USP32: variants seen among roughly 807,000 people sequenced by gnomAD.
The protein encoded by USP32 is ubiquitin carboxyl-terminal hydrolase 32.
A neutral mutation model predicts 204.8 loss-of-function variants in USP32; 59 were observed. That is an observed-to-expected ratio of 0.29 (90% CI 0.23 to 0.36). The LOEUF (loss-of-function observed/expected upper bound fraction) is 0.36, where lower values mean the gene tolerates loss of function less well. Among genes scored for constraint, USP32 ranks in the 10% least tolerant of loss-of-function variants. The pLI is 1.00. For missense variants in USP32, 1,160 were observed against 1,946.4 expected, an observed-to-expected ratio of 0.60 and a Z score of 7.60; for synonymous variants, 517 against 678.4, an observed-to-expected ratio of 0.76 and a Z score of 3.70.
intron 1 of USP32, among the ~76,000 whole-genome samples, chr17:60,366,782 C>G (rs2089323738): frequency 6.6e-6 from 1 of 150,602 alleles, no homozygotes; most frequent in Non-Finnish European, 1.5e-5. Flanking sequence ...CTTGAAGAAA[C>G]AGAGACACGC....
intron 1 of USP32, among the ~76,000 whole-genome samples, chr17:60,358,538 C>T (rs2089138036): frequency 6.6e-6 from 1 of 152,060 alleles, no homozygotes; most frequent in Non-Finnish European, 1.5e-5. Flanking sequence ...CATGCCACTG[C>T]ACTACAGCCT....
In USP32 at chr17:60,362,665, T is replaced by C. The variant is rs146827049; in HGVS notation, c.59-17057A>G. On this transcript the variant is annotated intron_variant, in intron 1 of 33. Coordinates refer to ENST00000300896, the MANE Select transcript of USP32 (RefSeq NM_032582.4). ...AATATAACAAAATGACTATTTAACA[T>C]ATGTTGATGACAAATGTTCTAGTTT... 7.2e-3 allele frequency among the ~76,000 whole-genome samples: 1,093 copies of C among 152,324 alleles called. 9 individuals are homozygous for C. Among genetic ancestry groups the C allele is most frequent in the Non-Finnish European group, 0.012 (848 of 68,020 alleles).
intron 1 of USP32, among the ~76,000 whole-genome samples, chr17:60,387,971 T>C (rs751798546): frequency 6.6e-6 from 1 of 152,134 alleles, no homozygotes; most frequent in Non-Finnish European, 1.5e-5. Context: ...AAATTGTAAG[T>C]CGGGGATTGT....
At chr17:60,299,601 A>C (rs1253115347) in intron 3 of USP32, among the ~76,000 whole-genome samples, 1 of 152,176 alleles carries the variant, frequency 6.6e-6, no homozygotes, top group Non-Finnish European at 1.5e-5. Flanking sequence ...ACACTGTTGC[A>C]CTGGGGATTA....
At chr17:60,250,755 C>T (rs932132150) in intron 11 of USP32, among the ~76,000 whole-genome samples, 4 of 151,968 alleles carry the variant, frequency 2.6e-5, no homozygotes, top group Non-Finnish European at 5.9e-5. Flanking sequence ...AGTTCAAGAC[C>T]AGCCTGGGCA....
Position 60,294,759 on chromosome 17 carries a change from A to G in USP32, c.335T>C (p.Ile112Thr). The G allele has an allele frequency of 1.2e-6, 2 of 1,612,922 alleles. No individual in the cohort carries two copies. Among genetic ancestry groups the G allele is most frequent in the South Asian group, 2.2e-5 (2 of 90,922 alleles). ...GAGCATTCTTTCCATTTCTTCCCGTATAACATAGTTCCCAGATTCACTTGA... is the reference window on the plus strand; with the variant it reads ...GAGCATTCTTTCCATTTCTTCCCGTGTAACATAGTTCCCAGATTCACTTGA... ...LFSSESGNYV[I>T]REEMERMLHV... The change falls in exon 4 of 34, where the codon ATA becomes ACA. Residue 112 changes from isoleucine (I) to threonine (T), a missense_variant. Ile to Thr is a moderately conservative substitution (Grantham distance 89). Coordinates refer to ENST00000300896, the MANE Select transcript of USP32 (RefSeq NM_032582.4).
intron 1 of USP32, among the ~76,000 whole-genome samples, chr17:60,372,066 G>A (rs771991664): frequency 1.1e-4 from 16 of 152,180 alleles, no homozygotes; most frequent in Non-Finnish European, 2.4e-4. Context: ...GAGGGGAAGG[G>A]GAAGTGGCTA....
intron 11 of USP32, among the ~76,000 whole-genome samples, chr17:60,245,862 T>C (rs1165465187): frequency 3.3e-5 from 5 of 151,620 alleles, no homozygotes; most frequent in African/African-American, 9.7e-5. Flanking sequence ...TAATGTGTTT[T>C]TTTTTAAAAA....
At chr17:60,386,364 T>TAAAAAAAA (rs72099332) in intron 1 of USP32, among the ~76,000 whole-genome samples, 1 of 133,986 alleles carries the variant, frequency 7.5e-6, no homozygotes. Context: ...GTTCATAAAT[T>TAAAAAAAA]AAAAAAAAAA....
intron 5 of USP32, among the ~76,000 whole-genome samples, chr17:60,279,345 G>A (rs567662770): frequency 6.6e-6 from 1 of 151,612 alleles, no homozygotes; most frequent in African/African-American, 2.4e-5. Context: ...AATTAGCCGG[G>A]TGTGGTGAAT....
At chr17:60,232,168 C>CTTTTTTTTTTT (rs58707657) in intron 12 of USP32, among the ~76,000 whole-genome samples, 14 of 109,536 alleles carry the variant, frequency 1.3e-4, no homozygotes, top group Non-Finnish European at 2.2e-4. Context: ...TTTTCTTTTT[C>CTTTTTTTTTTT]TTTTTTTTTT....
At chr17:60,382,610 G>GA (rs369544599) in intron 1 of USP32, among the ~76,000 whole-genome samples, 16 of 152,164 alleles carry the variant, frequency 1.1e-4, no homozygotes, top group African/African-American at 3.6e-4. Context: ...AAATCACCTG[G>GA]ATTATTTAGA....
chr17:60,273,577 G>GCTCAGATA (rs1226577769), intron 5 of USP32, among the ~76,000 whole-genome samples: 4 of 152,132 alleles, frequency 2.6e-5, no homozygotes, highest in African/African-American at 9.7e-5. Context: ...CAATCCAGAT[G>GCTCAGATA]CTCAGATACG....
chr17:60,192,733 T>A lies in USP32; in HGVS notation c.3521+111A>T, dbSNP rs1246572388. On this transcript the variant is annotated intron_variant, in intron 28 of 33. Transcript: ENST00000300896. ...AGCCACCGTGCCCAGCCACAATTCT[T>A]AAGTTTCTCATTATTCACTATTTAC... The A allele has an allele frequency of 5.1e-6, 7 of 1,370,372 alleles. No individual in the cohort carries two copies. The East Asian group carries it at 1.7e-4, about 34-fold the overall frequency. The allele number at this position is 1,370,372 out of a possible 1,614,324, so 84.9% of individuals were successfully genotyped here. A position where few individuals can be genotyped will look rare whatever the true frequency, so the allele number is the denominator to read the frequency against.
intron 20 of USP32, 82 bp from the exon 21 acceptor site, chr17:60,211,200 C>T: frequency 2.6e-6 from 4 of 1,551,818 alleles, no homozygotes; most frequent in Non-Finnish European, 3.5e-6. Flanking sequence ...TAGCATCTCA[C>T]ATCAAAATAT....
chr17:60,403,845 G>T (rs2089954904), intron 1 of USP32, among the ~76,000 whole-genome samples: 1 of 152,126 alleles, frequency 6.6e-6, no homozygotes, highest in African/African-American at 2.4e-5. Context: ...TTCAAGACCA[G>T]TCTGGGTAAC....
In USP32 at chr17:60,234,264, C is replaced by A. The variant is rs139560058; in HGVS notation, c.1239+1874G>T. Among the ~76,000 whole-genome samples the A allele has an allele frequency of 3.0e-3, 452 of 151,640 alleles. 3 individuals are homozygous for A. The highest frequency in any genetic ancestry group is 0.011 in the African/African-American group (436 of 41,408). Reference sequence around the variant, plus strand: ...GAGTAGCTGGGACCATAGGCGCCTGCCACCATGCCCGGCTAATTTGTTGTA... The same window carrying A: ...GAGTAGCTGGGACCATAGGCGCCTGACACCATGCCCGGCTAATTTGTTGTA... On this transcript the variant is annotated intron_variant, in intron 12 of 33. Transcript: ENST00000300896.
intron 1 of USP32, among the ~76,000 whole-genome samples, chr17:60,419,280 G>A (rs531810669): frequency 6.6e-6 from 1 of 152,190 alleles, no homozygotes; most frequent in African/African-American, 2.4e-5. Context: ...ACCAAATACC[G>A]CATGTTCTCA....
intron 1 of USP32, among the ~76,000 whole-genome samples, chr17:60,354,623 T>C (rs2089025991): frequency 6.6e-6 from 1 of 152,182 alleles, no homozygotes; most frequent in South Asian, 2.1e-4. Context: ...AAAAAGCTAC[T>C]GCAGAGCCAC....
Sources: allele counts gnomAD v4.1 joint callset (sites outside exome capture counted in the v4.1 genomes callset), GRCh38; gene constraint gnomAD v4.1.1; transcripts MANE v1.5; gene names NCBI Gene and HGNC (gene_info 2026-07-23, HGNC 2026-07-21).